RRAS2: variants seen among roughly 807,000 people sequenced by gnomAD.
The protein encoded by RRAS2 is ras-related protein R-Ras2.
RRAS2 carries 7 observed loss-of-function variants against 27.6 expected under a neutral mutation model. The observed-to-expected ratio is 0.25, with a 90% CI of 0.14 to 0.48. RRAS2 has a LOEUF of 0.48. RRAS2 is among the 20% of genes least tolerant of loss of function. The pLI is 0.99. For missense variants in RRAS2, 178 were observed against 256.2 expected, an observed-to-expected ratio of 0.69 and a Z score of 2.08; for synonymous variants, 86 against 90.9, an observed-to-expected ratio of 0.95 and a Z score of 0.31.
intron 1 of RRAS2, among the ~76,000 whole-genome samples, chr11:14,309,340 C>T (rs1847906218): frequency 6.6e-6 from 1 of 152,212 alleles, no homozygotes; most frequent in South Asian, 2.1e-4. Context: ...CACTCACCAC[C>T]CCACTTAATC....
At chr11:14,320,695 A>C (rs1307976384) in intron 1 of RRAS2, among the ~76,000 whole-genome samples, 2 of 152,324 alleles carry the variant, frequency 1.3e-5, no homozygotes, top group Admixed American at 1.3e-4. Context: ...TTTCTGAAAG[A>C]TATTAAACAT....
intron 1 of RRAS2, among the ~76,000 whole-genome samples, chr11:14,309,004 C>G (rs1307067181): frequency 6.6e-6 from 1 of 152,198 alleles, no homozygotes; most frequent in Non-Finnish European, 1.5e-5. Context: ...ACTCAGTACA[C>G]TGCTTAACTA....
intron 1 of RRAS2, among the ~76,000 whole-genome samples, chr11:14,300,868 T>C (rs1375278138): frequency 3.3e-5 from 5 of 152,162 alleles, no homozygotes; most frequent in African/African-American, 9.7e-5. Context: ...GACACCAAGC[T>C]ATTGGTGAAA....
rs561374481 is a variant in RRAS2 at position 14,314,831 on chromosome 11, G to A, written c.109-18976C>T. Among the ~76,000 whole-genome samples the A allele has an allele frequency of 4.6e-5, 7 of 152,246 alleles. No individual in the cohort carries two copies. The South Asian group carries it at 1.0e-3, about 23-fold the overall frequency. On this transcript the variant is annotated intron_variant, in intron 1 of 5. Transcript: ENST00000256196. ...AGCCTCCAGAGTAGCTGGGACTACA[G>A]GCACACGCCACTATGCCTGGCTAAT...
intron 1 of RRAS2, among the ~76,000 whole-genome samples, chr11:14,347,372 A>C (rs1184866053): frequency 2.6e-5 from 4 of 152,198 alleles, no homozygotes; most frequent in African/African-American, 7.2e-5. Flanking sequence ...AAAAATACTG[A>C]ATCTGACACA....
chr11:14,279,390 C>T lies in RRAS2; in HGVS notation c.562G>A (p.Glu188Lys). Residue 188 changes from glutamate (E) to lysine (K), a missense_variant, in exon 6 of 6, where the codon GAA (glutamate) becomes AAA (lysine). By Grantham distance (56) the Glu-to-Lys change is moderately conservative. Transcript: ENST00000256196. ...TTGTCTTTTTCTTTCCGTGTTGGTT[C>T]TGGTGAAGGAGGACATTCCTGCTCT... ...FQEQECPPSP[E>K]PTRKEKDKKG... 1 of 1,613,036 alleles carries T rather than the reference C, an allele frequency of 6.2e-7. No homozygotes were observed. Among genetic ancestry groups the T allele is most frequent in the South Asian group, 1.1e-5 (1 of 91,066 alleles).
chr11:14,335,940 A>G (rs189529345), intron 1 of RRAS2, among the ~76,000 whole-genome samples: 7 of 152,300 alleles, frequency 4.6e-5, no homozygotes, highest in Admixed American at 3.9e-4. Context: ...TCTACTCCCA[A>G]CAGACACCAA....
chr11:14,343,360 A>C (rs1341798000), intron 1 of RRAS2, among the ~76,000 whole-genome samples: 1 of 152,252 alleles, frequency 6.6e-6, no homozygotes, highest in African/African-American at 2.4e-5. Context: ...CATAATAGTA[A>C]GGAAATAACC....
chr11:14,311,348 A>G (rs1564965581), intron 1 of RRAS2, among the ~76,000 whole-genome samples: 1 of 152,144 alleles, frequency 6.6e-6, no homozygotes, highest in African/African-American at 2.4e-5. Context: ...ATCTGTCTTT[A>G]AAAAATAAAA....
chr11:14,288,292 T>C (rs1412473796), intron 4 of RRAS2, among the ~76,000 whole-genome samples: 2 of 152,226 alleles, frequency 1.3e-5, no homozygotes, highest in African/African-American at 4.8e-5. Context: ...TATTTGTTTT[T>C]AAAGCATGGT....
At chr11:14,315,812 G>A (rs1370709595) in intron 1 of RRAS2, among the ~76,000 whole-genome samples, 1 of 152,092 alleles carries the variant, frequency 6.6e-6, no homozygotes, top group African/African-American at 2.4e-5. Context: ...TCACCCACAT[G>A]TAAAAGCTTA....
chr11:14,291,877 G>T (rs1357631107), intron 4 of RRAS2, among the ~76,000 whole-genome samples: 9 of 152,008 alleles, frequency 5.9e-5, no homozygotes, highest in East Asian at 1.9e-4. Flanking sequence ...GAATTTTTTT[G>T]ATTTTAGAAT....
At chr11:14,295,939 G>A (rs1229622255) in intron 1 of RRAS2, 84 bp from the exon 2 acceptor site, 42 of 1,244,176 alleles carry the variant, frequency 3.4e-5, no homozygotes, top group African/African-American at 7.5e-5. Context: ...CTGGGAGGCC[G>A]AGGGAGAAGG....
upstream of RRAS2, among the ~76,000 whole-genome samples, chr11:14,359,549 A>C (rs1849161030): frequency 6.6e-6 from 1 of 152,256 alleles, no homozygotes; most frequent in Non-Finnish European, 1.5e-5. Context: ...TGTGAAAAAC[A>C]GTATGTGACA....
intron 1 of RRAS2, among the ~76,000 whole-genome samples, chr11:14,332,201 AAACAATGACTTGTACATCAATGT>A (rs1395065037): frequency 1.3e-5 from 2 of 152,244 alleles, no homozygotes; most frequent in Non-Finnish European, 2.9e-5. Context: ...ATGTAAGTCC[AAACAATGACTTGTACATCAATGT>A]CTGGGGCAGC....
chr11:14,345,674 T>A (rs1236548739), intron 1 of RRAS2, among the ~76,000 whole-genome samples: 1 of 152,184 alleles, frequency 6.6e-6, no homozygotes, highest in Admixed American at 6.5e-5. Flanking sequence ...TTGAAAACTA[T>A]CCCTTTTAAA....
chr11:14,330,915 GTTTT>G (rs1193895773), intron 1 of RRAS2, among the ~76,000 whole-genome samples: 4 of 152,044 alleles, frequency 2.6e-5, no homozygotes, highest in Admixed American at 6.5e-5. Flanking sequence ...AATTTCATTT[GTTTT>G]TTGTTTGTTT....
At chr11:14,279,660 C>T (rs1849468319) in intron 5 of RRAS2, among the ~76,000 whole-genome samples, 1 of 152,146 alleles carries the variant, frequency 6.6e-6, no homozygotes, top group African/African-American at 2.4e-5. Flanking sequence ...AGACGAGATA[C>T]TAGACTCAGT....
intron 1 of RRAS2, among the ~76,000 whole-genome samples, chr11:14,304,466 A>G (rs1847789255): frequency 6.6e-6 from 1 of 152,274 alleles, no homozygotes; most frequent in African/African-American, 2.4e-5. Flanking sequence ...ATATGAGGAT[A>G]ACTTGGCACC....
Sources: allele counts gnomAD v4.1 joint callset (sites outside exome capture counted in the v4.1 genomes callset), GRCh38; gene constraint gnomAD v4.1.1; transcripts MANE v1.5; gene names NCBI Gene and HGNC (gene_info 2026-07-23, HGNC 2026-07-21).